TAFA4: variants seen among roughly 807,000 people sequenced by gnomAD.
The protein encoded by TAFA4 is chemokine-like protein TAFA-4.
A neutral mutation model predicts 21.1 loss-of-function variants in TAFA4; 20 were observed. The observed-to-expected ratio is 0.95, with a 90% CI of 0.67 to 1.38. TAFA4 has a LOEUF of 1.38. Ranked by LOEUF, TAFA4 falls within the 40% of genes most tolerant of loss-of-function variation. The probability of loss-of-function intolerance (pLI) is 0.00; values close to 1 mark genes in which losing one functional copy is unlikely to be tolerated. For synonymous variants in TAFA4, 71 were observed against 67.4 expected (o/e 1.05, Z -0.26); for missense variants, 211 against 180.9 (o/e 1.17, Z -0.95).
chr3:68,911,217 A>C (rs2089958835), intron 1 of TAFA4, among the ~76,000 whole-genome samples: 2 of 152,160 alleles, frequency 1.3e-5, no homozygotes, highest in Admixed American at 6.5e-5. Context: ...ATCCTCCATG[A>C]TCCATTTTTT....
chr3:68,836,612 G>A (rs1704528654), intron 3 of TAFA4, among the ~76,000 whole-genome samples: 1 of 152,070 alleles, frequency 6.6e-6, no homozygotes, highest in Admixed American at 6.5e-5. Context: ...CTACATTCCA[G>A]GAACTCTTAT....
At chr3:68,741,806 A>T (rs997717761) in intron 4 of TAFA4, among the ~76,000 whole-genome samples, 1 of 152,118 alleles carries the variant, frequency 6.6e-6, no homozygotes, top group African/African-American at 2.4e-5. Context: ...AAAAATAAAA[A>T]TAAAAATAAA....
chr3:68,844,893 T>C (rs1704749082), intron 3 of TAFA4, among the ~76,000 whole-genome samples: 1 of 152,228 alleles, frequency 6.6e-6, no homozygotes, highest in South Asian at 2.1e-4. Flanking sequence ...ATGTTTGTTA[T>C]GATTTCCATT....
At chr3:68,897,576 A>C (rs2089804387) in intron 1 of TAFA4, among the ~76,000 whole-genome samples, 1 of 151,980 alleles carries the variant, frequency 6.6e-6, no homozygotes, top group Non-Finnish European at 1.5e-5. Context: ...CAGTGAGCTG[A>C]GATCATGCCA....
At chr3:68,800,358 G>C (rs1703550798) in intron 3 of TAFA4, among the ~76,000 whole-genome samples, 1 of 152,176 alleles carries the variant, frequency 6.6e-6, no homozygotes, top group Non-Finnish European at 1.5e-5. Flanking sequence ...AACTCAGTTT[G>C]TGATCATCTG....
intron 4 of TAFA4, among the ~76,000 whole-genome samples, chr3:68,746,852 C>A (rs1252739778): frequency 1.3e-5 from 2 of 152,204 alleles, no homozygotes; most frequent in Non-Finnish European, 2.9e-5. Flanking sequence ...ACCTCTAAGT[C>A]AGGGTTTCTC....
At chr3:68,753,618 G>A (rs1702603291) in intron 3 of TAFA4, among the ~76,000 whole-genome samples, 1 of 152,136 alleles carries the variant, frequency 6.6e-6, no homozygotes, top group Non-Finnish European at 1.5e-5. Context: ...TTATAGGTGT[G>A]AGCCACCGTC....
chr3:68,739,511 C>T (rs190921543), intron 4 of TAFA4, among the ~76,000 whole-genome samples: 1 of 152,210 alleles, frequency 6.6e-6, no homozygotes, highest in East Asian at 1.9e-4. Flanking sequence ...AAAAATCAAC[C>T]ACTGAATCCA....
chr3:68,885,139 G>C (rs1481227113), intron 2 of TAFA4, 36 bp downstream of exon 2: 1 of 1,607,226 alleles, frequency 6.2e-7, no homozygotes, highest in South Asian at 1.1e-5. Context: ...ACTTTGTAAA[G>C]ATATCATGTC....
At position 68,810,360 on chromosome 3, in the gene TAFA4, G is replaced by A. The variant is rs544707073; in HGVS notation, c.131-57342C>T. ...GGATGCAGCGCACCAAGCATGAGCC[G>A]AAGCAGGGCAAGACATCACCTCACC... On this transcript the variant is annotated intron_variant, in intron 3 of 5. Transcript: ENST00000295569. Among the ~76,000 whole-genome samples the A allele has an allele frequency of 5.3e-5, 8 of 152,240 alleles. No homozygotes were observed. The South Asian group carries it at 1.5e-3, about 28-fold the overall frequency.
intron 4 of TAFA4, among the ~76,000 whole-genome samples, chr3:68,746,437 A>T (rs1415219415): frequency 1.3e-5 from 2 of 152,184 alleles, no homozygotes; most frequent in African/African-American, 4.8e-5. Context: ...TGCAACTATG[A>T]ACAGAAAAAT....
chr3:68,880,813 G>A lies in TAFA4; in HGVS notation c.47C>T (p.Ser16Leu), dbSNP rs775801889. The change falls in exon 3 of 6, where the codon TCG (serine) becomes TTG (leucine). Residue 16 changes from serine (S) to leucine (L), a missense_variant. By Grantham distance (145) the Ser-to-Leu change is moderately radical. Transcript: ENST00000295569. ...CACGTAGGCTAGAAAGAGCCAGTGC[G>A]ACAGCAACACTGACTTAGCACAGAC... Reference protein sequence around the residue: ...MRVCAKSVLLSHWLFLAYVLM... With the variant: ...MRVCAKSVLLLHWLFLAYVLM... 3.3e-5 allele frequency: 54 copies of A among 1,613,528 alleles called. No individual in the cohort carries two copies. The highest frequency in any genetic ancestry group is 1.5e-4 in the Admixed American group (9 of 59,986).
At chr3:68,769,930 C>T (rs1702922117) in intron 3 of TAFA4, among the ~76,000 whole-genome samples, 2 of 152,048 alleles carry the variant, frequency 1.3e-5, no homozygotes, top group African/African-American at 4.8e-5. Flanking sequence ...TCCTCTTTTT[C>T]ATACATGGCT....
rs541120622 is a variant in TAFA4 at position 68,928,257 on chromosome 3, T to G, written c.-123+3983A>C. ...CCATCTAGTAACCAGAATGTTTCCATAACATCAACACGCTACAGCTGGCAC... is the reference window on the plus strand; with the variant it reads ...CCATCTAGTAACCAGAATGTTTCCAGAACATCAACACGCTACAGCTGGCAC... On this transcript the variant is annotated intron_variant, in intron 1 of 5. Transcript: ENST00000295569. Among the ~76,000 whole-genome samples the G allele has an allele frequency of 1.3e-4, 20 of 152,310 alleles. No individual in the cohort carries two copies. The East Asian group carries it at 3.9e-3, about 29-fold the overall frequency.
chr3:68,821,338 T>TAAGAGAAAACAAGTCCTGAA (rs1559532886), intron 3 of TAFA4, among the ~76,000 whole-genome samples: 2 of 5,772 alleles, frequency 3.5e-4, no homozygotes, highest in Non-Finnish European at 6.0e-4. Context: ...TTTTTTTTTT[T>TAAGAGAAAACAAGTCCTGAA]TTTTTTTTTT....
At chr3:68,915,185 T>C (rs879186852) in intron 1 of TAFA4, among the ~76,000 whole-genome samples, 1 of 152,186 alleles carries the variant, frequency 6.6e-6, no homozygotes, top group African/African-American at 2.4e-5. Flanking sequence ...CCCACCATGA[T>C]TAATTCCTTG....
At chr3:68,757,292 A>C (rs2106760133) in intron 3 of TAFA4, among the ~76,000 whole-genome samples, 1 of 152,098 alleles carries the variant, frequency 6.6e-6, no homozygotes, top group South Asian at 2.1e-4. Context: ...CCCTTTTTAT[A>C]AGGACATCAG....
intron 1 of TAFA4, among the ~76,000 whole-genome samples, chr3:68,902,453 G>T (rs944566314): frequency 1.3e-5 from 2 of 151,846 alleles, no homozygotes; most frequent in African/African-American, 4.8e-5. Flanking sequence ...CTGCAGCCTT[G>T]AACTCCCAGG....
intron 4 of TAFA4, among the ~76,000 whole-genome samples, chr3:68,740,100 A>G (rs1037247035): frequency 1.3e-5 from 2 of 152,172 alleles, no homozygotes; most frequent in African/African-American, 4.8e-5. Flanking sequence ...TCTAGATTAC[A>G]CTAGTTCTCG....
Sources: gnomAD v4.1 joint callset for allele counts (sites outside exome capture counted in the v4.1 genomes callset) on GRCh38, gnomAD v4.1.1 for gene constraint, MANE v1.5 for transcripts, NCBI Gene and HGNC (gene_info 2026-07-23, HGNC 2026-07-21) for gene names.